Variants in DIS3L2 observed in about 807,000 individuals in gnomAD.
The protein encoded by DIS3L2 is DIS3-like exonuclease 2.
DIS3L2 carries 34 observed loss-of-function variants against 97.5 expected under a neutral mutation model. The observed-to-expected ratio is 0.35, with a 90% CI of 0.27 to 0.46. DIS3L2 has a LOEUF of 0.46. DIS3L2 is among the 20% of genes least tolerant of loss of function. DIS3L2 has a pLI of 1.00. For missense variants in DIS3L2, 1,038 were observed against 1,146.0 expected (o/e 0.91, Z 1.36); for synonymous variants, 435 against 445.2 (o/e 0.98, Z 0.29).
intron 10 of DIS3L2, among the ~76,000 whole-genome samples, chr2:232,232,402 A>G (rs1279814758): frequency 6.6e-6 from 1 of 152,078 alleles, no homozygotes; most frequent in Non-Finnish European, 1.5e-5. Flanking sequence ...TGGCAGGGAG[A>G]GCAATAGGAG....
chr2:232,004,876 C>G (rs958816483), intron 1 of DIS3L2, among the ~76,000 whole-genome samples: 1 of 152,182 alleles, frequency 6.6e-6, no homozygotes, highest in African/African-American at 2.4e-5. Context: ...GCCACTACAC[C>G]TGGTCTAAAA....
chr2:232,329,785 T>TCCCCGGGGGGCCCCCCC, intron 14 of DIS3L2, 28 bp from the exon 15 acceptor site: 38 of 967,072 alleles, frequency 3.9e-5, no homozygotes, highest in East Asian at 1.2e-4. Context: ...ACCCCAGCGG[T>TCCCCGGGGGGCCCCCCC]CCCTCCCATC....
chr2:232,259,024 G>A (rs1379219187), intron 12 of DIS3L2, among the ~76,000 whole-genome samples: 6 of 152,148 alleles, frequency 3.9e-5, no homozygotes, highest in Admixed American at 3.3e-4. Context: ...TTAAGGCATA[G>A]TAGATTCGGC....
intron 5 of DIS3L2, among the ~76,000 whole-genome samples, chr2:232,084,210 G>T (rs1371715410): frequency 2.0e-5 from 3 of 152,276 alleles, no homozygotes; most frequent in East Asian, 3.9e-4. Context: ...GGCTTATGTG[G>T]TAAAGCAGAA....
At chr2:232,003,261 C>G (rs1019451297) in intron 1 of DIS3L2, among the ~76,000 whole-genome samples, 3 of 152,130 alleles carry the variant, frequency 2.0e-5, no homozygotes, top group African/African-American at 7.2e-5. Flanking sequence ...TAGAAAATTC[C>G]TTTGCACTTT....
At chr2:231,982,505 A>C (rs1299284710) in intron 1 of DIS3L2, among the ~76,000 whole-genome samples, 2 of 152,072 alleles carry the variant, frequency 1.3e-5, no homozygotes, top group African/African-American at 4.8e-5. Flanking sequence ...TAACTTCTTT[A>C]ATCTGTCAAG....
intron 6 of DIS3L2, among the ~76,000 whole-genome samples, chr2:232,116,170 T>TTAAA (rs1170290967): frequency 5.6e-4 from 63 of 111,972 alleles, no homozygotes; most frequent in African/African-American, 1.1e-3. Flanking sequence ...AGACTTGGTC[T>TTAAA]TAAATAAATA....
rs536443573 is a variant in DIS3L2, at chr2:232,120,891, C to T, written c.602-9728C>T. ...TTCCCCTGGGTTCTGGATCACATCCCTTCCTGTCCAGGGACCCCTCCCTTT... is the reference window on the plus strand; with the variant it reads ...TTCCCCTGGGTTCTGGATCACATCCTTTCCTGTCCAGGGACCCCTCCCTTT... On this transcript the variant is annotated intron_variant, in intron 6 of 20. Coordinates refer to ENST00000325385, the MANE Select transcript of DIS3L2 (RefSeq NM_152383.5). Among the ~76,000 whole-genome samples, 5 of 152,270 alleles carry T rather than the reference C, an allele frequency of 3.3e-5. No homozygotes were observed. In the East Asian group the frequency reaches 7.7e-4, roughly 24 times the overall value.
intron 5 of DIS3L2, among the ~76,000 whole-genome samples, chr2:232,059,634 CCCTT>C (rs1324560870): frequency 6.6e-6 from 1 of 152,144 alleles, no homozygotes; most frequent in Non-Finnish European, 1.5e-5. Context: ...TTGCCCCTAT[CCCTT>C]CCTTCCTCCT....
intron 10 of DIS3L2, among the ~76,000 whole-genome samples, chr2:232,219,120 A>G (rs1203102507): frequency 6.6e-6 from 1 of 152,218 alleles, no homozygotes; most frequent in Non-Finnish European, 1.5e-5. Context: ...TAAGAACAAC[A>G]TAAACCTCCG....
intron 11 of DIS3L2, among the ~76,000 whole-genome samples, chr2:232,246,283 T>G (rs775273626): frequency 5.9e-5 from 9 of 152,210 alleles, no homozygotes; most frequent in Non-Finnish European, 1.3e-4. Flanking sequence ...GAGCTGAATC[T>G]GAAAGGATGT....
intron 8 of DIS3L2, 127 bp from the exon 9 acceptor site, chr2:232,163,332 C>T (rs1690709324): frequency 3.5e-6 from 3 of 863,802 alleles, no homozygotes; most frequent in Non-Finnish European, 5.3e-6. Context: ...TACGGATGAT[C>T]ATGTTTCTAC....
At chr2:232,302,905 T>C (rs1277307200) in intron 14 of DIS3L2, among the ~76,000 whole-genome samples, 1 of 152,064 alleles carries the variant, frequency 6.6e-6, no homozygotes, top group African/African-American at 2.4e-5. Context: ...GGATTAATAG[T>C]AGGATTAATT....
chr2:232,259,991 C>T (rs1288367427), intron 12 of DIS3L2: 2 of 152,056 alleles, frequency 1.3e-5, no homozygotes. Flanking sequence ...AGCAAATGCC[C>T]GATCAGGGTG....
Position 232,336,711 on chromosome 2 carries a change from G to T in DIS3L2, c.*81G>T. The T allele has an allele frequency of 6.6e-7, 1 of 1,515,004 alleles. No individual in the cohort carries two copies. Among genetic ancestry groups the T allele is most frequent in the Non-Finnish European group, 8.7e-7 (1 of 1,143,024 alleles). The allele number at this position is 1,515,004 out of a possible 1,614,324, so 93.8% of individuals were successfully genotyped here. On this transcript the variant is annotated 3_prime_UTR_variant, in exon 21 of 21. Coordinates refer to ENST00000325385, the MANE Select transcript of DIS3L2 (RefSeq NM_152383.5). ...TTAGGACCTGTTGACACGGAGGGGGGTTTTTAATTTGGTTTTTAACAACTC... is the reference window on the plus strand; with the variant it reads ...TTAGGACCTGTTGACACGGAGGGGGTTTTTTAATTTGGTTTTTAACAACTC...
chr2:232,119,980 T>A (rs1440408042), intron 6 of DIS3L2, among the ~76,000 whole-genome samples: 1 of 152,204 alleles, frequency 6.6e-6, no homozygotes, highest in Non-Finnish European at 1.5e-5. Flanking sequence ...ATTCCTTTAT[T>A]CATCTTACGC....
intron 14 of DIS3L2, among the ~76,000 whole-genome samples, chr2:232,304,448 C>T (rs780611147): frequency 4.6e-5 from 7 of 152,210 alleles, no homozygotes; most frequent in Non-Finnish European, 8.8e-5. Context: ...CTCCAGCACC[C>T]TGTGGGATGA....
At chr2:232,225,855 A>AG (rs1692629860) in intron 10 of DIS3L2, among the ~76,000 whole-genome samples, 2 of 152,252 alleles carry the variant, frequency 1.3e-5, no homozygotes, top group South Asian at 4.1e-4. Flanking sequence ...ATTCATAAAA[A>AG]GAAACAAAGT....
intron 10 of DIS3L2, among the ~76,000 whole-genome samples, chr2:232,227,548 A>G (rs1338722240): frequency 1.3e-5 from 2 of 152,242 alleles, no homozygotes; most frequent in Non-Finnish European, 2.9e-5. Flanking sequence ...AATTATGTAT[A>G]TAATTTCTTG....
Sources: gnomAD v4.1 joint callset for allele counts (sites outside exome capture counted in the v4.1 genomes callset) on GRCh38, gnomAD v4.1.1 for gene constraint, MANE v1.5 for transcripts, NCBI Gene and HGNC (gene_info 2026-07-23, HGNC 2026-07-21) for gene names.